PLXDC2: variants seen among roughly 807,000 people sequenced by gnomAD.
PLXDC2 encodes the protein plexin domain-containing protein 2.
PLXDC2 carries 40 observed loss-of-function variants against 68.9 expected under a neutral mutation model. That is an observed-to-expected ratio of 0.58 (90% CI 0.45 to 0.76). PLXDC2 has a LOEUF of 0.76. PLXDC2 is among the 30% of genes least tolerant of loss of function. The pLI is 0.00. For synonymous variants in PLXDC2, 243 were observed against 234.2 expected (o/e 1.04, Z -0.34); for missense variants, 644 against 661.9 (o/e 0.97, Z 0.30).
intron 4 of PLXDC2, among the ~76,000 whole-genome samples, chr10:20,131,190 TC>T (rs1265172133): frequency 2.0e-5 from 3 of 151,608 alleles, no homozygotes; most frequent in South Asian, 2.1e-4. Context: ...GATTTTCTAT[TC>T]TGTTTTTTGT....
chr10:20,198,350 A>C (rs1160644405), intron 9 of PLXDC2, among the ~76,000 whole-genome samples: 1 of 152,160 alleles, frequency 6.6e-6, no homozygotes, highest in African/African-American at 2.4e-5. Flanking sequence ...TTCCTCTGGA[A>C]ATTCTAAAGC....
At position 20,085,763 on chromosome 10, in the gene PLXDC2, C is replaced by G. The variant is rs1456577030; in HGVS notation, c.541+17524C>G. Among the ~76,000 whole-genome samples the G allele has an allele frequency of 3.3e-5, 5 of 152,122 alleles. No individual in the cohort carries two copies. In the South Asian group the frequency reaches 8.3e-4, roughly 25 times the overall value. ...TCAACACCTCCCTCAAGATGATTCT[C>G]TTGTTTAATGTGCACTCCTACAGAA... On this transcript the variant is annotated intron_variant, in intron 4 of 13. Coordinates refer to ENST00000377252, the MANE Select transcript of PLXDC2 (RefSeq NM_032812.9).
At chr10:20,025,918 A>T (rs1043699557) in intron 2 of PLXDC2, among the ~76,000 whole-genome samples, 1 of 145,946 alleles carries the variant, frequency 6.9e-6, no homozygotes, top group African/African-American at 2.8e-5. Flanking sequence ...TATATTGCTG[A>T]CAATTCTAAG....
At chr10:19,835,520 C>T (rs1407412477) in intron 1 of PLXDC2, among the ~76,000 whole-genome samples, 1 of 152,174 alleles carries the variant, frequency 6.6e-6, no homozygotes, top group Non-Finnish European at 1.5e-5. Flanking sequence ...AGGACTGGGG[C>T]TCAGCAGGGA....
chr10:20,124,979 G>T lies in PLXDC2; in HGVS notation c.542-18316G>T, dbSNP rs568605419. ...AAAGCTATGAGAGGGTAATATAGTG[G>T]CAGACTACCGTGGAAACCAGCAACA... On this transcript the variant is annotated intron_variant, in intron 4 of 13. Transcript: ENST00000377252. 4.6e-5 allele frequency among the ~76,000 whole-genome samples: 7 copies of T among 152,200 alleles called. No homozygotes were observed. In the South Asian group the frequency reaches 1.5e-3, roughly 32 times the overall value.
At chr10:20,135,077 C>G (rs1369097114) in intron 4 of PLXDC2, among the ~76,000 whole-genome samples, 3 of 152,134 alleles carry the variant, frequency 2.0e-5, no homozygotes, top group African/African-American at 2.4e-5. Context: ...ACCTGGATCT[C>G]TTAGTTCTTG....
intron 1 of PLXDC2, among the ~76,000 whole-genome samples, chr10:19,985,544 T>C (rs72789663): frequency 0.053 from 8,018 of 152,288 alleles, 274 homozygotes; most frequent in Middle Eastern, 0.092. Context: ...CAATCCTAGA[T>C]ATTAAAATTT....
chr10:20,125,163 C>T (rs985209184), intron 4 of PLXDC2, among the ~76,000 whole-genome samples: 11 of 152,088 alleles, frequency 7.2e-5, no homozygotes, highest in African/African-American at 2.7e-4. Flanking sequence ...TACCCACACA[C>T]CTGTTTCCTA....
intron 1 of PLXDC2, among the ~76,000 whole-genome samples, chr10:19,846,686 A>G (rs1837015442): frequency 6.6e-6 from 1 of 152,178 alleles, no homozygotes; most frequent in Non-Finnish European, 1.5e-5. Flanking sequence ...CAAGATATGC[A>G]GTGTGGGAAG....
intron 4 of PLXDC2, among the ~76,000 whole-genome samples, chr10:20,125,207 G>A (rs1833756121): frequency 6.6e-6 from 1 of 152,030 alleles, no homozygotes; most frequent in South Asian, 2.1e-4. Context: ...AGAGTATTAG[G>A]GAGGTGGTAC....
intron 4 of PLXDC2, among the ~76,000 whole-genome samples, chr10:20,126,809 A>ATATAGAACACACGTTATATATGTC (rs1833796295): frequency 6.8e-6 from 1 of 147,546 alleles, no homozygotes; most frequent in Non-Finnish European, 1.5e-5. Flanking sequence ...TTATATATGT[A>ATATAGAACACACGTTATATATGTC]TATATAACAT....
At chr10:20,220,165 G>A (rs1835190559) in intron 12 of PLXDC2, among the ~76,000 whole-genome samples, 1 of 152,056 alleles carries the variant, frequency 6.6e-6, no homozygotes, top group South Asian at 2.1e-4. Context: ...ATTCATCATT[G>A]TATTAATGCA....
chr10:20,122,021 A>G lies in PLXDC2; in HGVS notation c.542-21274A>G, dbSNP rs182559960. 5.1e-3 allele frequency among the ~76,000 whole-genome samples: 771 copies of G among 151,962 alleles called. 6 individuals carry two copies. The highest frequency in any genetic ancestry group is 0.018 in the African/African-American group (737 of 41,334). ...TATACTTGTGGGTTAAGGTGGGGGA[A>G]TACAAGAGGAGGACGCAAAGGAGGC... On this transcript the variant is annotated intron_variant, in intron 4 of 13. Transcript: ENST00000377252.
intron 1 of PLXDC2, among the ~76,000 whole-genome samples, chr10:19,884,487 A>G (rs936382405): frequency 5.9e-5 from 9 of 151,508 alleles, no homozygotes; most frequent in East Asian, 2.0e-4. Context: ...ATATCTCCCA[A>G]TGCTATCCCT....
chr10:20,141,396 T>C (rs1228170027), intron 4 of PLXDC2, among the ~76,000 whole-genome samples: 1 of 152,118 alleles, frequency 6.6e-6, no homozygotes, highest in African/African-American at 2.4e-5. Flanking sequence ...AAAGTTGTCT[T>C]GGAGAATGGA....
At chr10:20,271,420 G>A (rs1435074933) in intron 13 of PLXDC2, among the ~76,000 whole-genome samples, 1 of 152,128 alleles carries the variant, frequency 6.6e-6, no homozygotes, top group African/African-American at 2.4e-5. Flanking sequence ...AGAGTTCAAA[G>A]AAACATCAAG....
intron 4 of PLXDC2, among the ~76,000 whole-genome samples, chr10:20,111,165 A>G (rs141300285): frequency 1.6e-3 from 240 of 152,324 alleles, no homozygotes; most frequent in Non-Finnish European, 2.8e-3. Context: ...AGGAATGTTC[A>G]GTTTTGTGTG....
intron 4 of PLXDC2, among the ~76,000 whole-genome samples, chr10:20,088,129 G>C (rs1423487914): frequency 1.3e-5 from 2 of 152,122 alleles, no homozygotes; most frequent in Admixed American, 6.5e-5. Flanking sequence ...CAGAGCACTA[G>C]AGACCTAAGC....
intron 1 of PLXDC2, among the ~76,000 whole-genome samples, chr10:19,893,011 A>T (rs564381612): frequency 6.6e-6 from 1 of 151,666 alleles, no homozygotes; most frequent in South Asian, 2.1e-4. Flanking sequence ...AGATATTTAG[A>T]GATCTAGATT....
Sources: allele counts gnomAD v4.1 joint callset (sites outside exome capture counted in the v4.1 genomes callset), GRCh38; gene constraint gnomAD v4.1.1; transcripts MANE v1.5; gene names NCBI Gene and HGNC (gene_info 2026-07-23, HGNC 2026-07-21).